Variants in KCNH7 observed in about 807,000 individuals in gnomAD.
KCNH7 encodes potassium voltage-gated channel subfamily H member 7.
KCNH7 carries 49 observed loss-of-function variants against 120.8 expected under a neutral mutation model. The ratio of observed to expected loss-of-function variants is 0.41; its 90% CI spans 0.32 to 0.51. The LOEUF (loss-of-function observed/expected upper bound fraction) is 0.51. Among genes scored for constraint, KCNH7 ranks in the 20% least tolerant of loss-of-function variants. The pLI, the probability that KCNH7 is intolerant of heterozygous loss-of-function variation, is 0.38. For missense variants in KCNH7, 1,097 were observed against 1,446.6 expected (o/e 0.76, Z 3.92); for synonymous variants, 547 against 516.1 (o/e 1.06, Z -0.81).
At chr2:162,742,196 T>C (rs1688161729) in intron 2 of KCNH7, among the ~76,000 whole-genome samples, 1 of 152,160 alleles carries the variant, frequency 6.6e-6, no homozygotes, top group Non-Finnish European at 1.5e-5. Flanking sequence ...ATAGTTAAGA[T>C]CCATGTGACC....
intron 6 of KCNH7, among the ~76,000 whole-genome samples, chr2:162,469,694 T>C (rs1196178423): frequency 1.8e-4 from 25 of 142,008 alleles, no homozygotes; most frequent in Non-Finnish European, 3.4e-4. Flanking sequence ...CCTCCCCCTC[T>C]CCCTCTCCCT....
At chr2:162,786,897 C>A (rs1017406) in intron 2 of KCNH7, among the ~76,000 whole-genome samples, 82,215 of 152,120 alleles carry the variant, frequency 0.54, 25,480 homozygotes, top group Non-Finnish European at 0.7. Flanking sequence ...TGAAAGATTA[C>A]AGCACTTGAG....
intron 2 of KCNH7, among the ~76,000 whole-genome samples, chr2:162,709,883 C>T (rs1686860599): frequency 6.6e-6 from 1 of 152,108 alleles, no homozygotes; most frequent in Non-Finnish European, 1.5e-5. Context: ...CCAGTATGTA[C>T]CATGTCCTTA....
intron 2 of KCNH7, among the ~76,000 whole-genome samples, chr2:162,570,298 T>C (rs1257511084): frequency 3.3e-5 from 5 of 151,418 alleles, no homozygotes; most frequent in Non-Finnish European, 5.9e-5. Context: ...CCTTCTTTGT[T>C]TCTTTTGATC....
intron 2 of KCNH7, among the ~76,000 whole-genome samples, chr2:162,704,462 A>G (rs777763315): frequency 2.0e-5 from 3 of 152,226 alleles, no homozygotes; most frequent in Non-Finnish European, 4.4e-5. Flanking sequence ...ATTTGATTGT[A>G]TAGAAATTAC....
intron 2 of KCNH7, among the ~76,000 whole-genome samples, chr2:162,764,834 TAC>T (rs1456823523): frequency 5.0e-4 from 76 of 152,306 alleles, no homozygotes; most frequent in African/African-American, 1.7e-3. Context: ...GCATCATACA[TAC>T]ATTTACTCTA....
chr2:162,625,633 A>G lies in KCNH7; in HGVS notation c.308-88553T>C, dbSNP rs185027428. Among the ~76,000 whole-genome samples, 10 of 152,264 alleles carry G rather than the reference A, an allele frequency of 6.6e-5. No individual in the cohort carries two copies. The East Asian group carries it at 1.7e-3, about 27-fold the overall frequency. On this transcript the variant is annotated intron_variant, in intron 2 of 15. Coordinates refer to ENST00000332142, the MANE Select transcript of KCNH7 (RefSeq NM_033272.4). ...GCACAAAGAAAAATATCAATATAAG[A>G]GTCTTCACAACTCCACCTCACCTCA... is the stretch of plus-strand genomic sequence containing the variant.
intron 2 of KCNH7, among the ~76,000 whole-genome samples, chr2:162,679,580 A>G (rs1685644362): frequency 6.6e-6 from 1 of 151,682 alleles, no homozygotes; most frequent in Non-Finnish European, 1.5e-5. Flanking sequence ...ATACAGAATA[A>G]CAACATCAAA....
chr2:162,819,085 T>C (rs977958159), intron 2 of KCNH7, among the ~76,000 whole-genome samples: 1 of 152,098 alleles, frequency 6.6e-6, no homozygotes, highest in African/African-American at 2.4e-5. Flanking sequence ...GTAATCCAGA[T>C]TAAAGGAGAC....
At chr2:162,558,529 G>A (rs577135381) in intron 2 of KCNH7, among the ~76,000 whole-genome samples, 26 of 99,566 alleles carry the variant, frequency 2.6e-4, no homozygotes, top group African/African-American at 1.3e-3. Context: ...TTTTTTTGCC[G>A]AAACTGTTTT....
intron 2 of KCNH7, among the ~76,000 whole-genome samples, chr2:162,571,654 G>A (rs1474761100): frequency 3.4e-5 from 5 of 146,782 alleles, no homozygotes; most frequent in Non-Finnish European, 7.4e-5. Flanking sequence ...TATACTACAA[G>A]GCTACAGTAA....
At chr2:162,388,136 A>G (rs1686630848) in intron 12 of KCNH7, among the ~76,000 whole-genome samples, 1 of 151,844 alleles carries the variant, frequency 6.6e-6, no homozygotes, top group South Asian at 2.1e-4. Flanking sequence ...TCTAAAGGGT[A>G]TTGAAAGAGG....
chr2:162,544,211 G>A (rs915341586), intron 2 of KCNH7, among the ~76,000 whole-genome samples: 1 of 152,214 alleles, frequency 6.6e-6, no homozygotes, highest in Non-Finnish European at 1.5e-5. Context: ...TGTGCTCCGG[G>A]TAATGTATAT....
At chr2:162,707,901 A>G (rs976219204) in intron 2 of KCNH7, among the ~76,000 whole-genome samples, 5 of 152,016 alleles carry the variant, frequency 3.3e-5, no homozygotes, top group Admixed American at 1.3e-4. Context: ...GATATCCATG[A>G]AGTCTGCTTC....
chr2:162,501,811 G>A (rs1463882873), intron 6 of KCNH7, among the ~76,000 whole-genome samples: 1 of 151,974 alleles, frequency 6.6e-6, no homozygotes. Context: ...CCATCATGCT[G>A]GTGATTATGT....
At chr2:162,404,252 T>C (rs1687144312) in intron 9 of KCNH7, among the ~76,000 whole-genome samples, 1 of 151,970 alleles carries the variant, frequency 6.6e-6, no homozygotes, top group Admixed American at 6.6e-5. Flanking sequence ...CATATCACCT[T>C]CCACTGTGTA....
intron 2 of KCNH7, among the ~76,000 whole-genome samples, chr2:162,827,567 C>T (rs1685332438): frequency 6.6e-6 from 1 of 152,006 alleles, no homozygotes; most frequent in African/African-American, 2.4e-5. Context: ...GTTAAAAATG[C>T]AAAATGCCAT....
At chr2:162,556,647 C>A (rs1692866797) in intron 2 of KCNH7, among the ~76,000 whole-genome samples, 1 of 152,132 alleles carries the variant, frequency 6.6e-6, no homozygotes, top group Admixed American at 6.5e-5. Flanking sequence ...CTTACTGAGT[C>A]TTTAAAATCC....
chr2:162,755,798 T>TA (rs1393923940), intron 2 of KCNH7, among the ~76,000 whole-genome samples: 55 of 152,306 alleles, frequency 3.6e-4, no homozygotes, highest in Admixed American at 1.6e-3. Flanking sequence ...AACTATGAGC[T>TA]GTAGTCAACA....
Sources: gnomAD v4.1 joint callset for allele counts (sites outside exome capture counted in the v4.1 genomes callset) on GRCh38, gnomAD v4.1.1 for gene constraint, MANE v1.5 for transcripts, NCBI Gene and HGNC (gene_info 2026-07-23, HGNC 2026-07-21) for gene names.